Variants in TMED5 observed in about 807,000 individuals in gnomAD.
TMED5 encodes transmembrane p24 trafficking protein 5.
In TMED5, 27 loss-of-function variants were observed where a neutral mutation model predicts 23.0. That is an observed-to-expected ratio of 1.17 (90% CI 0.86 to 1.62). The LOEUF (loss-of-function observed/expected upper bound fraction) is 1.62, where lower values mean the gene tolerates loss of function less well. Among genes scored for constraint, TMED5 ranks in the 40% most tolerant of loss-of-function variants. TMED5 has a pLI of 0.00. For synonymous variants in TMED5, 97 were observed against 100.8 expected, an observed-to-expected ratio of 0.96 and a Z score of 0.23; for missense variants, 248 against 273.7, an observed-to-expected ratio of 0.91 and a Z score of 0.66.
intron 1 of TMED5, among the ~76,000 whole-genome samples, chr1:93,171,364 C>T (rs1648729065): frequency 6.6e-6 from 1 of 152,206 alleles, no homozygotes. Flanking sequence ...CGAGGGTCCG[C>T]GGCTTCATTC....
intron 1 of TMED5, among the ~76,000 whole-genome samples, chr1:93,168,632 G>A (rs1324342599): frequency 6.6e-6 from 1 of 152,034 alleles, no homozygotes; most frequent in Non-Finnish European, 1.5e-5. Flanking sequence ...TCAGGAGATT[G>A]AGACCATCCT....
chr1:93,152,367 T>C lies in TMED5; in HGVS notation c.*2303A>G, dbSNP rs1647909906. On this transcript the variant is annotated 3_prime_UTR_variant, in exon 4 of 4. Coordinates refer to ENST00000370282, the MANE Select transcript of TMED5 (RefSeq NM_016040.5). ...GCATAACTTTAATTTAGAAATGGAA[T>C]AGTGAAATTAAAAAAAGCATATGAA... The C allele has an allele frequency of 6.6e-6, 1 of 152,330 alleles. No homozygotes were observed. The highest frequency in any genetic ancestry group is 1.5e-5 in the Non-Finnish European group (1 of 68,004). The allele number at this position is 152,330 out of a possible 1,614,324, so 9.4% of individuals were successfully genotyped here. A position where few individuals can be genotyped will look rare whatever the true frequency, so the allele number is the denominator to read the frequency against.
intron 1 of TMED5, among the ~76,000 whole-genome samples, chr1:93,178,149 C>T (rs1461300553): frequency 6.6e-6 from 1 of 152,184 alleles, no homozygotes; most frequent in African/African-American, 2.4e-5. Flanking sequence ...GGAAAACCTA[C>T]TCAGCACGGC....
intron 1 of TMED5, chr1:93,161,336 A>G (rs1273924574): frequency 6.6e-6 from 1 of 152,218 alleles, no homozygotes; most frequent in Non-Finnish European, 1.5e-5. Flanking sequence ...AAAGTGATAC[A>G]GCAAATAAGT....
chr1:93,155,535 T>TC (rs1648041715), intron 3 of TMED5, among the ~76,000 whole-genome samples: 1 of 102,100 alleles, frequency 9.8e-6, no homozygotes, highest in Non-Finnish European at 1.8e-5. Context: ...GACTAAGGTT[T>TC]TTTTTTTTTT....
chr1:93,156,469 A>T lies in TMED5; in HGVS notation c.302T>A (p.Val101Asp). The T allele has an allele frequency of 6.2e-7, 1 of 1,613,472 alleles. No homozygotes were observed. The highest frequency in any genetic ancestry group is 8.5e-7 in the Non-Finnish European group (1 of 1,179,506). Residue 101 changes from valine to aspartate, a missense_variant, in exon 3 of 4, where the codon GTT becomes GAT. Coordinates refer to ENST00000370282, the MANE Select transcript of TMED5 (RefSeq NM_016040.5). Reference protein sequence around the residue: ...SDGVHTVETEVGDYMFCFDNT... With the variant: ...SDGVHTVETEDGDYMFCFDNT... ...GTCAAAGCAGAACATGTAATCACCA[A>T]CTTCAGTCTCTACACTGTATAAAAA... is the stretch of plus-strand genomic sequence containing the variant.
At chr1:93,171,025 A>C (rs1180907811) in intron 1 of TMED5, among the ~76,000 whole-genome samples, 3 of 152,284 alleles carry the variant, frequency 2.0e-5, no homozygotes, top group Non-Finnish European at 4.4e-5. Flanking sequence ...CCCCTTGTAC[A>C]CTGTGGAAGC....
intron 1 of TMED5, among the ~76,000 whole-genome samples, chr1:93,178,402 T>C (rs929764148): frequency 2.0e-5 from 3 of 152,228 alleles, no homozygotes; most frequent in African/African-American, 7.2e-5. Flanking sequence ...AGCATCTTTC[T>C]GGATTAAATT....
At chr1:93,169,594 G>GAAAA (rs71094237) in intron 1 of TMED5, among the ~76,000 whole-genome samples, 2 of 146,150 alleles carry the variant, frequency 1.4e-5, no homozygotes, top group African/African-American at 5.0e-5. Flanking sequence ...AATCAACGCA[G>GAAAA]AAAAAAAAAA....
intron 1 of TMED5, among the ~76,000 whole-genome samples, chr1:93,163,995 A>T (rs1218746878): frequency 6.6e-6 from 1 of 151,930 alleles, no homozygotes; most frequent in African/African-American, 2.4e-5. Context: ...AAAAAAAAAA[A>T]AAGCCATAAT....
intron 3 of TMED5, among the ~76,000 whole-genome samples, chr1:93,155,532 GTTTTTT>G (rs547977053): frequency 9.2e-5 from 12 of 130,170 alleles, no homozygotes; most frequent in African/African-American, 3.3e-4. Context: ...AATGACTAAG[GTTTTTT>G]TTTTTTTTTT....
At chr1:93,154,940 CTTAA>C (rs769057821) in intron 3 of TMED5, 52 bp from the exon 4 acceptor site, 23 of 1,349,906 alleles carry the variant, frequency 1.7e-5, no homozygotes, top group African/African-American at 2.9e-5. Flanking sequence ...GAAATTTTAA[CTTAA>C]TTAAAAAATG....
At chr1:93,176,508 T>TACACACAC (rs34446908) in intron 1 of TMED5, among the ~76,000 whole-genome samples, 8 of 150,054 alleles carry the variant, frequency 5.3e-5, no homozygotes, top group African/African-American at 2.0e-4. Context: ...GCACAGACTA[T>TACACACAC]ACACACACAC....
At chr1:93,157,789 A>C (rs891961590) in intron 2 of TMED5, among the ~76,000 whole-genome samples, 1 of 152,224 alleles carries the variant, frequency 6.6e-6, no homozygotes, top group Non-Finnish European at 1.5e-5. Context: ...CTCTTACAAA[A>C]TTAATATAGC....
rs201008342 is a variant in TMED5 at position 93,175,175 on chromosome 1, T to TTATATATATATATATATATATATATA, written c.189+4853_189+4878dup. Among the ~76,000 whole-genome samples the TTATATATATATATATATATATATATA allele has an allele frequency of 1.5e-3, 181 of 119,786 alleles. 3 individuals carry two copies. The highest frequency in any genetic ancestry group is 6.3e-3 in the African/African-American group (157 of 24,894). 78.6% of individuals were successfully genotyped at this position (119,786 alleles called of 152,430 possible). A position where few individuals can be genotyped will look rare whatever the true frequency, so the allele number is the denominator to read the frequency against. On this transcript the variant is annotated intron_variant, in intron 1 of 3. Transcript: ENST00000370282. ...TATTTATATAATACTTAAAAGCCAT[T>TTATATATATATATATATATATATATA]TATATATATATATATATATATATAT... is the stretch of plus-strand genomic sequence containing the variant.
chr1:93,167,462 T>C (rs1402780303), intron 1 of TMED5, among the ~76,000 whole-genome samples: 1 of 152,216 alleles, frequency 6.6e-6, no homozygotes, highest in Non-Finnish European at 1.5e-5. Flanking sequence ...TAGTTTTCAT[T>C]GTAGCGATCT....
intron 1 of TMED5, among the ~76,000 whole-genome samples, chr1:93,177,290 T>C (rs921566380): frequency 1.3e-5 from 2 of 152,032 alleles, no homozygotes; most frequent in African/African-American, 4.8e-5. Context: ...TTTAAAGGAA[T>C]AGTCCCAGCC....
At chr1:93,163,690 T>A (rs925120086) in intron 1 of TMED5, among the ~76,000 whole-genome samples, 6 of 149,770 alleles carry the variant, frequency 4.0e-5, no homozygotes, top group African/African-American at 1.5e-4. Context: ...AATGCCACAA[T>A]CTGGGCCAGG....
At chr1:93,166,544 A>C (rs568878692) in intron 1 of TMED5, among the ~76,000 whole-genome samples, 1 of 152,182 alleles carries the variant, frequency 6.6e-6, no homozygotes, top group Non-Finnish European at 1.5e-5. Context: ...ATATGCCTAT[A>C]TGCTATTTGT....
Sources: allele counts gnomAD v4.1 joint callset (sites outside exome capture counted in the v4.1 genomes callset), GRCh38; gene constraint gnomAD v4.1.1; transcripts MANE v1.5; gene names NCBI Gene and HGNC (gene_info 2026-07-23, HGNC 2026-07-21).